The following ABRAXAS1 variants were observed in gnomAD, a reference collection of about 807,000 sequenced individuals.
ABRAXAS1 encodes BRCA1-A complex subunit Abraxas 1.
In ABRAXAS1, 26 loss-of-function variants were observed where a neutral mutation model predicts 38.4. The ratio of observed to expected loss-of-function variants is 0.68; its 90% CI spans 0.50 to 0.94. The LOEUF (loss-of-function observed/expected upper bound fraction) is 0.94. Among genes scored for constraint, ABRAXAS1 ranks in the 40% least tolerant of loss-of-function variants. The probability of loss-of-function intolerance (pLI) is 0.00; values close to 1 mark genes in which losing one functional copy is unlikely to be tolerated. For missense variants in ABRAXAS1, 438 were observed against 481.9 expected (o/e 0.91, Z 0.85); for synonymous variants, 144 against 165.5 (o/e 0.87, Z 1.00).
chr4:83,462,081 CAT>C lies in ABRAXAS1; in HGVS notation c.*386_*387del, dbSNP rs1452296925. ...CTTTTCCATTTTATTTTTTAATAGA[CAT>C]GGTCTCAATACGTTGCCCAGGCTGG... On this transcript the variant is annotated 3_prime_UTR_variant, in exon 9 of 9. Transcript: ENST00000321945. The C allele has an allele frequency of 3.0e-5, 7 of 234,262 alleles. No homozygotes were observed. In the East Asian group the frequency reaches 4.3e-4, roughly 14 times the overall value. The allele number at this position is 234,262 out of a possible 1,614,324, so 14.5% of individuals were successfully genotyped here.
rs759681678 is a variant in ABRAXAS1 at position 83,477,810 on chromosome 4, A to G, written c.179-1131T>C. On this transcript the variant is annotated intron_variant, in intron 2 of 8. Coordinates refer to ENST00000321945, the MANE Select transcript of ABRAXAS1 (RefSeq NM_139076.3). ...AGACAAGCATCATATGGCACCATTA[A>G]AATTGGGATTTACCAAAGCTTGAAG... The G allele has an allele frequency of 6.5e-4, 517 of 794,054 alleles. No homozygotes were observed. The highest frequency in any genetic ancestry group is 8.0e-4 in the Non-Finnish European group (362 of 454,568). The allele number at this position is 794,054 out of a possible 1,614,324, so 49.2% of individuals were successfully genotyped here.
intron 2 of ABRAXAS1, 25 bp from the exon 3 acceptor site, chr4:83,476,704 T>C (rs761165650): frequency 1.3e-5 from 19 of 1,456,368 alleles, no homozygotes; most frequent in Admixed American, 1.7e-5. Context: ...TTTTTAGTTA[T>C]GATTACATTA....
At position 83,465,535 on chromosome 4, in the gene ABRAXAS1, C is replaced by G. The variant is rs1410654730; in HGVS notation, c.681+1919G>C. Among the ~76,000 whole-genome samples, 8 of 152,106 alleles carry G rather than the reference C, an allele frequency of 5.3e-5. No homozygotes were observed. In the South Asian group the frequency reaches 1.7e-3, roughly 32 times the overall value. On this transcript the variant is annotated intron_variant, in intron 7 of 8. Transcript: ENST00000321945. ...GGATGTGGTGGCTCACACCTGTAAT[C>G]CCAGTACTTTGGGAGGCCAAGGAAG... is the stretch of plus-strand genomic sequence containing the variant.
chr4:83,480,074 A>C (rs897682285), intron 2 of ABRAXAS1: 1 of 209,696 alleles, frequency 4.8e-6, no homozygotes, highest in Admixed American at 5.6e-5. Context: ...GTAAATAAAA[A>C]GTATACACAT....
At chr4:83,471,574 T>C (rs1340233458) in intron 4 of ABRAXAS1, among the ~76,000 whole-genome samples, 1 of 152,178 alleles carries the variant, frequency 6.6e-6, no homozygotes. Context: ...AAGTAGTGCC[T>C]TGAAAAAATT....
Position 83,462,408 on chromosome 4 carries a change from T to C in ABRAXAS1, c.*61A>G, listed in dbSNP as rs111720506. The C allele has an allele frequency of 8.4e-4, 1,200 of 1,420,690 alleles. 13 individuals carry two copies. The African/African-American group carries it at 0.015, about 18-fold the overall frequency. The allele number at this position is 1,420,690 out of a possible 1,614,324, so 88.0% of individuals were successfully genotyped here. ...AAGTAGCTCAACATAGTAAAAACAA[T>C]AGAAATGTTTGGCTTTACCCATCAG... On this transcript the variant is annotated 3_prime_UTR_variant, in exon 9 of 9. Transcript: ENST00000321945.
intron 1 of ABRAXAS1, chr4:83,483,852 T>C (rs938075970): frequency 2.7e-5 from 6 of 222,064 alleles, no homozygotes; most frequent in African/African-American, 4.8e-5. Context: ...CTACCGAGGA[T>C]TTACGGTCCC....
chr4:83,465,743 A>C (rs1433037622), intron 7 of ABRAXAS1, among the ~76,000 whole-genome samples: 2 of 152,190 alleles, frequency 1.3e-5, no homozygotes, highest in African/African-American at 4.8e-5. Context: ...AGCTGAGATC[A>C]TGCCATTGCT....
At position 83,460,491 on chromosome 4, in the gene ABRAXAS1, A is replaced by G. The variant is rs879641929; in HGVS notation, c.*1978T>C. ...TGTAGTTTTGTTTACGTAGTGCCAT[A>G]TGGTTGTTTTCGAGCTACAACAGCA... On this transcript the variant is annotated 3_prime_UTR_variant, in exon 9 of 9. Coordinates refer to ENST00000321945, the MANE Select transcript of ABRAXAS1 (RefSeq NM_139076.3). 2 of 160,608 alleles carry G rather than the reference A, an allele frequency of 1.2e-5. No homozygotes were observed. Among genetic ancestry groups the G allele is most frequent in the Non-Finnish European group, 2.7e-5 (2 of 74,170 alleles). The allele number at this position is 160,608 out of a possible 1,614,324, so 9.9% of individuals were successfully genotyped here.
intron 5 of ABRAXAS1, chr4:83,469,704 C>T (rs1256677746): frequency 6.4e-6 from 1 of 156,026 alleles, no homozygotes. Context: ...TTTACCCTAT[C>T]TTCCATGAAC....
chr4:83,484,894 A>AGCGG, intron 1 of ABRAXAS1, 92 bp downstream of exon 1: 1 of 1,071,334 alleles, frequency 9.3e-7, no homozygotes, highest in Non-Finnish European at 1.3e-6. Flanking sequence ...GCGTCGGGGG[A>AGCGG]GCGGGCGGGG....
intron 1 of ABRAXAS1, among the ~76,000 whole-genome samples, 179 bp from the exon 2 acceptor site, chr4:83,482,423 AG>A (rs1386828804): frequency 6.6e-6 from 1 of 152,244 alleles, no homozygotes; most frequent in Non-Finnish European, 1.5e-5. Flanking sequence ...AATAAAAATG[AG>A]AAGAGGCTAG....
intron 2 of ABRAXAS1, chr4:83,477,566 T>C (rs1046649040): frequency 6.2e-6 from 3 of 482,230 alleles, no homozygotes; most frequent in Non-Finnish European, 1.2e-5. Context: ...TCGTCTGAAC[T>C]GGAAACCCTT....
chr4:83,465,299 CAAAAAAAAAAAA>C (rs35072866), intron 7 of ABRAXAS1, among the ~76,000 whole-genome samples: 1 of 88,210 alleles, frequency 1.1e-5, no homozygotes, highest in African/African-American at 4.0e-5. Flanking sequence ...GACTCTGTCT[CAAAAAAAAAAAA>C]AAAAAAAAGA....
At position 83,481,997 on chromosome 4, in the gene ABRAXAS1, G is replaced by A. The variant is rs181131073; in HGVS notation, c.178+157C>T. ...CTCCCAACCTCAGGTAATCCGCCTCGGCCTCCCAAAGTGCTGGGATTACAG... is the reference window on the plus strand; with the variant it reads ...CTCCCAACCTCAGGTAATCCGCCTCAGCCTCCCAAAGTGCTGGGATTACAG... On this transcript the variant is annotated intron_variant, in intron 2 of 8. Transcript: ENST00000321945. 6.8e-4 allele frequency among the ~76,000 whole-genome samples: 103 copies of A among 152,168 alleles called. No individual in the cohort carries two copies. The South Asian group carries it at 0.013, about 19-fold the overall frequency.
rs765266353 is a variant in ABRAXAS1, at chr4:83,467,542, T to G, written c.597-4A>C. ...ATCTTCTTCAAAAAATTTAGAGCTG[T>G]AAAAAATTACCATTTCCTCAGGCAA... On this transcript the variant is annotated splice_region_variant and splice_polypyrimidine_tract_variant and intron_variant, in intron 6 of 8. Transcript: ENST00000321945. 1.2e-5 allele frequency: 17 copies of G among 1,461,948 alleles called. No individual in the cohort carries two copies. The highest frequency in any genetic ancestry group is 1.6e-5 in the Non-Finnish European group (17 of 1,050,582). The allele number at this position is 1,461,948 out of a possible 1,614,324, so 90.6% of individuals were successfully genotyped here.
intron 1 of ABRAXAS1, chr4:83,484,017 G>T: frequency 2.0e-6 from 2 of 982,984 alleles, no homozygotes; most frequent in Non-Finnish European, 2.4e-6. Flanking sequence ...TTAGGATTGT[G>T]CCAAAGAGCA....
intron 3 of ABRAXAS1, among the ~76,000 whole-genome samples, chr4:83,474,433 C>T (rs945043038): frequency 2.0e-5 from 3 of 152,004 alleles, no homozygotes; most frequent in Non-Finnish European, 4.4e-5. Context: ...GTAAACAAGG[C>T]CAGGCGTGGG....
intron 2 of ABRAXAS1, among the ~76,000 whole-genome samples, chr4:83,477,255 C>T (rs1393686123): frequency 6.6e-6 from 1 of 152,048 alleles, no homozygotes; most frequent in African/African-American, 2.4e-5. Flanking sequence ...AATTAAATGC[C>T]TAGAACTATG....
Sources: allele counts gnomAD v4.1 joint callset (sites outside exome capture counted in the v4.1 genomes callset), GRCh38; gene constraint gnomAD v4.1.1; transcripts MANE v1.5; gene names NCBI Gene and HGNC (gene_info 2026-07-23, HGNC 2026-07-21).